Variants in SEC14L3 observed in about 807,000 individuals in gnomAD.
SEC14L3 encodes the protein SEC14 like lipid binding 3.
A neutral mutation model predicts 57.4 loss-of-function variants in SEC14L3; 56 were observed. The ratio of observed to expected loss-of-function variants is 0.97; its 90% CI spans 0.79 to 1.22. The LOEUF (loss-of-function observed/expected upper bound fraction) is 1.22, where lower values mean the gene tolerates loss of function less well. Ranked by LOEUF, SEC14L3 falls within the 50% of genes most tolerant of loss-of-function variation. SEC14L3 has a pLI of 0.00. For synonymous variants in SEC14L3, 173 were observed against 194.4 expected (o/e 0.89, Z 0.92); for missense variants, 485 against 511.7 (o/e 0.95, Z 0.50).
chr22:30,455,198 TAA>T (rs1935097960), downstream of SEC14L3, among the ~76,000 whole-genome samples: 2 of 122,006 alleles, frequency 1.6e-5, no homozygotes, highest in African/African-American at 3.1e-5. Context: ...ATATATAATA[TAA>T]ATTAATATAA....
downstream of SEC14L3, among the ~76,000 whole-genome samples, chr22:30,454,252 C>T (rs534959355): frequency 1.8e-4 from 28 of 152,094 alleles, no homozygotes; most frequent in South Asian, 1.9e-3. Flanking sequence ...GAGGAAGGCA[C>T]TCGAGGTCTT....
rs747060068 is a variant in SEC14L3, at chr22:30,464,921, AGGATAAT to A, written c.581-25_581-19del. On this transcript the variant is annotated intron_variant, in intron 7 of 11. Transcript: ENST00000215812. ...TTTGGTAGCTGGAGAGATAGAAGTA[AGGATAAT>A]GGGAAGAAAAGAATTACATTGGGCA... 5 of 1,613,746 alleles carry A rather than the reference AGGATAAT, an allele frequency of 3.1e-6. No homozygotes were observed. In the Admixed American group the frequency reaches 8.3e-5, roughly 27 times the overall value.
chr22:30,469,993 T>G, intron 4 of SEC14L3, 26 bp downstream of exon 4: 1 of 1,502,688 alleles, frequency 6.7e-7, no homozygotes, highest in Non-Finnish European at 9.0e-7. Context: ...CGTGAAAGAC[T>G]GAGGTGTTTG....
rs537760714 is a variant in SEC14L3, at chr22:30,453,436, G to A, written c.905-4192C>T. On this transcript the variant is annotated intron_variant, in intron 12 of 12. Transcript: ENST00000403066. ...TTTCATTTATTTATTTTTTTGAAATGGAGTCTCGCTCCGTTGCCCAGGCTG... is the reference window on the plus strand; with the variant it reads ...TTTCATTTATTTATTTTTTTGAAATAGAGTCTCGCTCCGTTGCCCAGGCTG... Among the ~76,000 whole-genome samples, 5 of 152,196 alleles carry A rather than the reference G, an allele frequency of 3.3e-5. No homozygotes were observed. The South Asian group carries it at 1.0e-3, about 32-fold the overall frequency.
chr22:30,449,077 C>T (rs1423836345), exon 13 of SEC14L3: 11 of 1,550,358 alleles, frequency 7.1e-6, no homozygotes, highest in Non-Finnish European at 8.7e-6. Flanking sequence ...GTTACTCACA[C>T]AGACAAAAAT....
downstream of SEC14L3, among the ~76,000 whole-genome samples, chr22:30,454,922 T>C (rs546957295): frequency 3.7e-3 from 218 of 58,582 alleles, 11 homozygotes; most frequent in African/African-American, 9.6e-3. Context: ...TATTATATAT[T>C]ATATAATAGA....
At chr22:30,465,028 T>C (rs922439293) in intron 7 of SEC14L3, 125 bp from the exon 8 acceptor site, 3 of 1,429,500 alleles carry the variant, frequency 2.1e-6, no homozygotes, top group Middle Eastern at 2.4e-4. Context: ...GTGTCTGTCC[T>C]GCACCCAACA....
At chr22:30,454,602 TATA>T (rs10677218), downstream of SEC14L3, among the ~76,000 whole-genome samples, 19 of 97,198 alleles carry the variant, frequency 2.0e-4, no homozygotes, top group African/African-American at 4.7e-4. Context: ...ATATATAATC[TATA>T]ATATTATTAG....
rs574019592 is a variant in SEC14L3 at position 30,453,448 on chromosome 22, C to T, written c.905-4204G>A. ...ATTTTTTTGAAATGGAGTCTCGCTCCGTTGCCCAGGCTGGGGTGCAATGGC... is the reference window on the plus strand; with the variant it reads ...ATTTTTTTGAAATGGAGTCTCGCTCTGTTGCCCAGGCTGGGGTGCAATGGC... On this transcript the variant is annotated intron_variant, in intron 12 of 12. Transcript: ENST00000403066. 1.8e-4 allele frequency among the ~76,000 whole-genome samples: 27 copies of T among 152,262 alleles called. 1 individual carries two copies. Among genetic ancestry groups the T allele is most frequent in the Admixed American group, 1.6e-3 (24 of 15,284 alleles).
At chr22:30,454,540 ATAT>A (rs10677216), downstream of SEC14L3, among the ~76,000 whole-genome samples, 21 of 20,192 alleles carry the variant, frequency 1.0e-3, 2 homozygotes, top group Non-Finnish European at 1.5e-3. Context: ...ATCTATAATA[ATAT>A]TATATATAAT....
Position 30,470,272 on chromosome 22 carries a change from G to A in SEC14L3, c.131-17C>T, listed in dbSNP as rs756877196. On this transcript the variant is annotated splice_polypyrimidine_tract_variant and intron_variant, in intron 2 of 11. Transcript: ENST00000215812. ...AATTCCGAGCTGTGGGAAAACAGAAGGAAGGTGTGAGACAGGAAAGATGCC... is the reference window on the plus strand; with the variant it reads ...AATTCCGAGCTGTGGGAAAACAGAAAGAAGGTGTGAGACAGGAAAGATGCC... The A allele has an allele frequency of 2.5e-6, 4 of 1,611,916 alleles. No individual in the cohort carries two copies. In the African/African-American group the frequency reaches 5.3e-5, roughly 21 times the overall value.
chr22:30,460,949 C>G (rs1370295488), intron 11 of SEC14L3, among the ~76,000 whole-genome samples: 1 of 152,180 alleles, frequency 6.6e-6, no homozygotes, highest in African/African-American at 2.4e-5. Flanking sequence ...TGTAGCTACC[C>G]TGAGGCTCGG....
downstream of SEC14L3, among the ~76,000 whole-genome samples, chr22:30,456,745 G>A (rs1935126919): frequency 6.6e-6 from 1 of 152,160 alleles, no homozygotes; most frequent in South Asian, 2.1e-4. Context: ...TACAAAGTGG[G>A]TCTCTTTCCT....
downstream of SEC14L3, among the ~76,000 whole-genome samples, chr22:30,455,564 C>T (rs959547836): frequency 1.2e-4 from 18 of 152,144 alleles, no homozygotes; most frequent in African/African-American, 4.1e-4. Context: ...TAACCTTGTG[C>T]TTTTTGGTAC....
rs891248027 is a variant in SEC14L3, at chr22:30,459,801, T to C, written c.*220A>G. On this transcript the variant is annotated 3_prime_UTR_variant, in exon 12 of 12. Coordinates refer to ENST00000215812, the MANE Select transcript of SEC14L3 (RefSeq NM_174975.5). ...ACCCACTTCTTGCCTTTACCCTTGC[T>C]TTTTCCTCTTCTGCAACCTTGGTAC... 18 of 1,230,880 alleles carry C rather than the reference T, an allele frequency of 1.5e-5. No individual in the cohort carries two copies. Among genetic ancestry groups the C allele is most frequent in the Middle Eastern group, 6.6e-4 (2 of 3,052 alleles). The allele number at this position is 1,230,880 out of a possible 1,614,324, so 76.2% of individuals were successfully genotyped here.
intron 8 of SEC14L3, 150 bp downstream of exon 8, chr22:30,464,670 A>G: frequency 2.8e-6 from 2 of 721,736 alleles, no homozygotes; most frequent in South Asian, 3.4e-5. Flanking sequence ...ATATCAAGCA[A>G]TCCTCCTGCC....
rs5753158 is a variant in SEC14L3 at position 30,459,710 on chromosome 22, C to T, written c.*311G>A. The T allele has an allele frequency of 0.27, 288,033 of 1,052,516 alleles. 39,994 individuals are homozygous for T. Among genetic ancestry groups the T allele is most frequent in the East Asian group, 0.31 (4,383 of 14,210 alleles). The allele number at this position is 1,052,516 out of a possible 1,614,324, so 65.2% of individuals were successfully genotyped here. On this transcript the variant is annotated 3_prime_UTR_variant, in exon 12 of 12. Transcript: ENST00000215812. Reference sequence around the variant, plus strand: ...TACGGAAGGAATTCAAGCATACACACCTGCCTTAGGGTAGGTGAGGACAAA... The same window carrying T: ...TACGGAAGGAATTCAAGCATACACATCTGCCTTAGGGTAGGTGAGGACAAA...
At chr22:30,468,221 G>C (rs1429889614) in intron 5 of SEC14L3, among the ~76,000 whole-genome samples, 4 of 151,804 alleles carry the variant, frequency 2.6e-5, no homozygotes, top group Non-Finnish European at 4.4e-5. Context: ...GGAGGTTTCA[G>C]TGAGCCAAGA....
chr22:30,462,258 A>AGT (rs1935292861), intron 8 of SEC14L3, 66 bp from the exon 9 acceptor site: 2 of 1,523,090 alleles, frequency 1.3e-6, no homozygotes, highest in African/African-American at 2.7e-5. Context: ...TCCCACACCC[A>AGT]CCAGGATGAC....
Sources: allele counts gnomAD v4.1 joint callset (sites outside exome capture counted in the v4.1 genomes callset), GRCh38; gene constraint gnomAD v4.1.1; transcripts MANE v1.5; gene names NCBI Gene and HGNC (gene_info 2026-07-23, HGNC 2026-07-21).